Variants in PCDHGA8 observed in about 807,000 individuals in gnomAD.
PCDHGA8 encodes the protein protocadherin gamma-A8.
A neutral mutation model predicts 59.2 loss-of-function variants in PCDHGA8; 45 were observed. The ratio of observed to expected loss-of-function variants is 0.76; its 90% CI spans 0.60 to 0.98. PCDHGA8 has a LOEUF of 0.98. Ranked by LOEUF, PCDHGA8 falls within the 50% of genes least tolerant of loss-of-function variation. The pLI, the probability that PCDHGA8 is intolerant of heterozygous loss-of-function variation, is 0.00. For missense variants in PCDHGA8, 1,257 were observed against 1,196.2 expected, an observed-to-expected ratio of 1.05 and a Z score of -0.75; for synonymous variants, 531 against 519.0, an observed-to-expected ratio of 1.02 and a Z score of -0.32.
chr5:141,415,752 T>G lies in PCDHGA8; in HGVS notation c.2424+20515T>G, dbSNP rs981275270. ...GATGTTTATTAAGGTTTTTTTTTTT[T>G]TTTTTTTTTTTTTTTTTTTTACTTT... On this transcript the variant is annotated intron_variant, in intron 1 of 3. Transcript: ENST00000398604. 5.6e-5 allele frequency: 77 copies of G among 1,372,446 alleles called. No individual in the cohort carries two copies. In the East Asian group the frequency reaches 6.8e-4, roughly 12 times the overall value. 85.0% of individuals were successfully genotyped at this position (1,372,446 alleles called of 1,614,324 possible).
At chr5:141,445,213 A>C (rs775782586) in intron 1 of PCDHGA8, among the ~76,000 whole-genome samples, 1 of 152,226 alleles carries the variant, frequency 6.6e-6, no homozygotes, top group Non-Finnish European at 1.5e-5. Context: ...TTGAAAAGTA[A>C]GAGGTGCAAA....
chr5:141,457,441 G>A (rs941085406), intron 1 of PCDHGA8, among the ~76,000 whole-genome samples: 1 of 152,134 alleles, frequency 6.6e-6, no homozygotes, highest in African/African-American at 2.4e-5. Flanking sequence ...CCAAGCTGCA[G>A]AAGATCACCA....
chr5:141,509,273 C>T (rs1026035086), intron 3 of PCDHGA8, among the ~76,000 whole-genome samples: 1 of 152,098 alleles, frequency 6.6e-6, no homozygotes, highest in Admixed American at 6.5e-5. Flanking sequence ...CTCTCGCTAC[C>T]CGCTCCCAGG....
intron 1 of PCDHGA8, chr5:141,413,526 G>T: frequency 6.2e-7 from 1 of 1,613,936 alleles, no homozygotes; most frequent in Non-Finnish European, 8.5e-7. Context: ...TGGAAGACAG[G>T]GTGAAACTTT....
At chr5:141,396,847 T>G (rs2093444333) in intron 1 of PCDHGA8, among the ~76,000 whole-genome samples, 1 of 152,190 alleles carries the variant, frequency 6.6e-6, no homozygotes. Context: ...GGGAGTTAAC[T>G]TCATAGTTTG....
At chr5:141,423,203 T>A (rs2096720538) in intron 1 of PCDHGA8, 1 of 1,613,508 alleles carries the variant, frequency 6.2e-7, no homozygotes, top group African/African-American at 1.3e-5. Context: ...TCGGCCACCG[T>A]CACGCTCACC....
At position 141,491,101 on chromosome 5, in the gene PCDHGA8, G is replaced by A. The variant is rs1270788252; in HGVS notation, c.2425-3706G>A. Reference sequence around the variant, plus strand: ...GTCCACAGCCCCAGGACTGTTCCTCGTGTCTACACACACTGGTGAGGTGCG... The same window carrying A: ...GTCCACAGCCCCAGGACTGTTCCTCATGTCTACACACACTGGTGAGGTGCG... On this transcript the variant is annotated intron_variant, in intron 1 of 3. Transcript: ENST00000398604. This position sits in a 1 kb window ranked among gnomAD's most constrained non-coding sequence, Gnocchi z 6.9. The A allele has an allele frequency of 8.1e-6, 13 of 1,614,102 alleles. No individual in the cohort carries two copies. In the East Asian group the frequency reaches 1.6e-4, roughly 19 times the overall value.
intron 3 of PCDHGA8, among the ~76,000 whole-genome samples, chr5:141,507,479 C>T (rs1050741571): frequency 1.3e-5 from 2 of 152,198 alleles, no homozygotes; most frequent in East Asian, 1.9e-4. Flanking sequence ...GACTGCTGGC[C>T]TCCTGAGGCA....
chr5:141,450,829 A>ATTTTTT (rs373424450), intron 1 of PCDHGA8, among the ~76,000 whole-genome samples: 1 of 135,126 alleles, frequency 7.4e-6, no homozygotes. Context: ...TATTATTATT[A>ATTTTTT]TTTTTTTTTT....
At position 141,408,036 on chromosome 5, in the gene PCDHGA8, A is replaced by G. The variant is rs941133513; in HGVS notation, c.2424+12799A>G. On this transcript the variant is annotated intron_variant, in intron 1 of 3. Coordinates refer to ENST00000398604, the MANE Select transcript of PCDHGA8 (RefSeq NM_032088.2). ...AGCCAACAACAGAAAGAAGAAAACC[A>G]GCTCCCACACAGAGCCTCCCGGCTG... 7.9e-6 allele frequency: 9 copies of G among 1,132,718 alleles called. No individual in the cohort carries two copies. In the African/African-American group the frequency reaches 1.4e-4, roughly 18 times the overall value. The allele number at this position is 1,132,718 out of a possible 1,614,324, so 70.2% of individuals were successfully genotyped here. A position where few individuals can be genotyped will look rare whatever the true frequency, so the allele number is the denominator to read the frequency against.
chr5:141,411,299 G>C (rs1020908131), intron 1 of PCDHGA8: 1 of 152,284 alleles, frequency 6.6e-6, no homozygotes, highest in Non-Finnish European at 1.5e-5. Context: ...GACAGGCCCA[G>C]TGGCTCACAC....
rs776335336 is a variant in PCDHGA8 at position 141,403,470 on chromosome 5, G to A, written c.2424+8233G>A. The A allele has an allele frequency of 3.7e-5, 59 of 1,613,910 alleles. No homozygotes were observed. Among genetic ancestry groups the A allele is most frequent in the Non-Finnish European group, 4.8e-5 (57 of 1,179,918 alleles). ...AACTCCCTCCAGAGCTACCAGCTCAGCCCCAATCACCACTTCTCCCTGAAC... is the reference window on the plus strand; with the variant it reads ...AACTCCCTCCAGAGCTACCAGCTCAACCCCAATCACCACTTCTCCCTGAAC... On this transcript the variant is annotated intron_variant, in intron 1 of 3. Coordinates refer to ENST00000398604, the MANE Select transcript of PCDHGA8 (RefSeq NM_032088.2).
chr5:141,491,500 G>A lies in PCDHGA8; in HGVS notation c.2425-3307G>A. ...CAGCCCCAACCTGCAGGTGAGCTCG[G>A]ACGGCACGCTCAAGTACATGGAGGT... On this transcript the variant is annotated intron_variant, in intron 1 of 3. Transcript: ENST00000398604. The surrounding 1 kb of genome is among the most constrained non-coding windows in gnomAD (Gnocchi z 6.9). 3 of 1,614,102 alleles carry A rather than the reference G, an allele frequency of 1.9e-6. No homozygotes were observed. The highest frequency in any genetic ancestry group is 2.7e-5 in the African/African-American group (2 of 75,066).
intron 1 of PCDHGA8, chr5:141,403,596 C>T: frequency 6.2e-7 from 1 of 1,613,768 alleles, no homozygotes; most frequent in Non-Finnish European, 8.5e-7. Context: ...CTCACGGCCT[C>T]GGATGGCGGC....
At chr5:141,400,360 C>T (rs1327384409) in intron 1 of PCDHGA8, 2 of 1,614,030 alleles carry the variant, frequency 1.2e-6, no homozygotes, top group East Asian at 2.2e-5. Context: ...GGGGACTTTG[C>T]CTTATTCCTA....
chr5:141,412,131 G>A (rs2095537626), intron 1 of PCDHGA8: 1 of 152,156 alleles, frequency 6.6e-6, no homozygotes, highest in Non-Finnish European at 1.5e-5. Flanking sequence ...CTGGACTTTG[G>A]CCTCTGATAC....
rs537684458 is a variant in PCDHGA8, at chr5:141,431,679, T to G, written c.2424+36442T>G. The G allele has an allele frequency of 1.5e-5, 24 of 1,614,222 alleles. No individual in the cohort carries two copies. The highest frequency in any genetic ancestry group is 3.3e-5 in the Admixed American group (2 of 60,028). On this transcript the variant is annotated intron_variant, in intron 1 of 3. Coordinates refer to ENST00000398604, the MANE Select transcript of PCDHGA8 (RefSeq NM_032088.2). The surrounding 1 kb of genome is among the most constrained non-coding windows in gnomAD (Gnocchi z 4.8). ...GGGACAATATCAACAATAGGGGAGT[T>G]GGACCACGAGGAGTCAGGATTCTAC...
At position 141,486,709 on chromosome 5, in the gene PCDHGA8, C is replaced by T; in HGVS notation, c.2425-8098C>T. 6.2e-7 allele frequency: 1 copy of T among 1,614,182 alleles called. No individual in the cohort carries two copies. ...CTTCCTCTTTCATCTCTCTGAACCC[C>T]CAGACAGGAGCTGTTCATGCTACTC... On this transcript the variant is annotated intron_variant, in intron 1 of 3. Coordinates refer to ENST00000398604, the MANE Select transcript of PCDHGA8 (RefSeq NM_032088.2). This position sits in a 1 kb window ranked among gnomAD's most constrained non-coding sequence, Gnocchi z 5.0.
At chr5:141,414,678 G>A (rs1276367800) in intron 1 of PCDHGA8, 14 of 1,613,856 alleles carry the variant, frequency 8.7e-6, no homozygotes, top group African/African-American at 1.3e-5. Context: ...ACACCATCCA[G>A]GGGGTACCTC....
Sources: gnomAD v4.1 joint callset for allele counts (sites outside exome capture counted in the v4.1 genomes callset) on GRCh38, gnomAD v4.1.1 for gene constraint, Gnocchi (gnomAD v3.1) non-coding constraint, MANE v1.5 for transcripts, NCBI Gene and HGNC (gene_info 2026-07-23, HGNC 2026-07-21) for gene names.